DENND2C: variants seen among roughly 807,000 people sequenced by gnomAD.
DENND2C encodes DENN domain-containing protein 2C.
A neutral mutation model predicts 112.4 loss-of-function variants in DENND2C; 72 were observed. The observed-to-expected ratio is 0.64, with a 90% CI of 0.53 to 0.78. The LOEUF (loss-of-function observed/expected upper bound fraction) is 0.78. DENND2C is among the 30% of genes least tolerant of loss of function. The pLI is 0.00. For synonymous variants in DENND2C, 329 were observed against 381.6 expected (o/e 0.86, Z 1.61); for missense variants, 992 against 1,113.8 (o/e 0.89, Z 1.56).
At chr1:114,667,302 C>T (rs1316920321) in intron 1 of DENND2C, among the ~76,000 whole-genome samples, 2 of 152,180 alleles carry the variant, frequency 1.3e-5, no homozygotes, top group African/African-American at 2.4e-5. Context: ...TACTTCTTTA[C>T]AGCTCTTATC....
At chr1:114,661,933 C>G (rs1008308434) in intron 1 of DENND2C, among the ~76,000 whole-genome samples, 3 of 152,116 alleles carry the variant, frequency 2.0e-5, no homozygotes, top group Non-Finnish European at 4.4e-5. Context: ...CAACAGCAGA[C>G]AAAATTCTCC....
At chr1:114,616,666 C>T (rs914455002) in intron 8 of DENND2C, among the ~76,000 whole-genome samples, 1 of 151,948 alleles carries the variant, frequency 6.6e-6, no homozygotes, top group Non-Finnish European at 1.5e-5. Flanking sequence ...TCAGCCTGGC[C>T]AACACGATGA....
rs759034331 is a variant in DENND2C, at chr1:114,625,687, G to C, written c.298C>G (p.His100Asp). Residue 100 changes from histidine to aspartate, a missense_variant, in exon 4 of 21, where the codon CAT becomes GAT. Around this residue, in one of 3 missense-constraint regions of DENND2C, gnomAD observed 470 missense variants for 472.7 expected, o/e 0.99. Coordinates refer to ENST00000393274, the MANE Select transcript of DENND2C (RefSeq NM_001256404.2). ...AAGAAGTGTGTATCGTCATATTCATGTTTCTTATTTTCATTCTCACTTTGA... is the reference window on the plus strand; with the variant it reads ...AAGAAGTGTGTATCGTCATATTCATCTTTCTTATTTTCATTCTCACTTTGA... ...HDQSENENKK[H>D]EYDDTHFFKN... 4.3e-6 allele frequency: 7 copies of C among 1,613,806 alleles called. No homozygotes were observed. Among genetic ancestry groups the C allele is most frequent in the Middle Eastern group, 1.6e-4 (1 of 6,082 alleles).
chr1:114,623,733 TTTG>T (rs869274364), intron 4 of DENND2C, 90 bp from the exon 5 acceptor site: 3 of 26,620 alleles, frequency 1.1e-4, no homozygotes, highest in East Asian at 3.5e-4. Flanking sequence ...TGTTTGATTG[TTTG>T]TTTTATTATT....
chr1:114,633,839 C>T (rs1308578871), intron 3 of DENND2C, among the ~76,000 whole-genome samples: 1 of 152,068 alleles, frequency 6.6e-6, no homozygotes, highest in Non-Finnish European at 1.5e-5. Context: ...AAGTACAAGG[C>T]AAAGATTATC....
chr1:114,597,450 GAA>G (rs1655374406), intron 16 of DENND2C, among the ~76,000 whole-genome samples: 1 of 150,520 alleles, frequency 6.6e-6, no homozygotes, highest in African/African-American at 2.4e-5. Context: ...ATCTCAAAAA[GAA>G]AAGAGAAGAA....
rs906597020 is a variant in DENND2C at position 114,610,982 on chromosome 1, G to A, written c.1369+91C>T. 4 of 1,454,050 alleles carry A rather than the reference G, an allele frequency of 2.8e-6. No homozygotes were observed. The African/African-American group carries it at 5.7e-5, about 21-fold the overall frequency. The allele number at this position is 1,454,050 out of a possible 1,614,324, so 90.1% of individuals were successfully genotyped here. A position where few individuals can be genotyped will look rare whatever the true frequency, so the allele number is the denominator to read the frequency against. On this transcript the variant is annotated intron_variant, in intron 9 of 20. Coordinates refer to ENST00000393274, the MANE Select transcript of DENND2C (RefSeq NM_001256404.2). ...CATCTACAAAATGGAACTTCATGTG[G>A]GAAAAAACATGCTTAGTCACAAAGG...
At chr1:114,661,106 CAAAA>C (rs61417132) in intron 1 of DENND2C, among the ~76,000 whole-genome samples, 5 of 102,648 alleles carry the variant, frequency 4.9e-5, no homozygotes, top group Non-Finnish European at 6.0e-5. Context: ...GACTCCGTCT[CAAAA>C]AAAAAAAAAA....
intron 1 of DENND2C, among the ~76,000 whole-genome samples, chr1:114,663,564 C>T (rs1040636274): frequency 1.3e-5 from 2 of 151,926 alleles, no homozygotes; most frequent in Non-Finnish European, 2.9e-5. Context: ...ACCAAGCTTA[C>T]GAATTCAAAT....
chr1:114,635,041 A>AG (rs1203490910), intron 3 of DENND2C, among the ~76,000 whole-genome samples: 4 of 151,076 alleles, frequency 2.6e-5, no homozygotes, highest in East Asian at 3.9e-4. Flanking sequence ...AAAAAAAAAA[A>AG]AAAGAAAAAA....
intron 1 of DENND2C, among the ~76,000 whole-genome samples, chr1:114,661,106 C>CAA (rs61417132): frequency 3.9e-5 from 4 of 102,628 alleles, no homozygotes; most frequent in African/African-American, 7.4e-5. Flanking sequence ...GACTCCGTCT[C>CAA]AAAAAAAAAA....
intron 7 of DENND2C, among the ~76,000 whole-genome samples, chr1:114,620,911 A>C (rs900563910): frequency 6.6e-6 from 1 of 152,228 alleles, no homozygotes; most frequent in African/African-American, 2.4e-5. Context: ...GTTTAATGTT[A>C]AAATCAGGTA....
intron 12 of DENND2C, among the ~76,000 whole-genome samples, 175 bp from the exon 13 acceptor site, chr1:114,601,760 T>C (rs1303714467): frequency 1.3e-5 from 2 of 152,224 alleles, no homozygotes; most frequent in Non-Finnish European, 2.9e-5. Flanking sequence ...GCATGTTTTA[T>C]TCTAGGTTTA....
At chr1:114,621,853 G>A in intron 7 of DENND2C, 42 bp downstream of exon 7, 2 of 1,547,256 alleles carry the variant, frequency 1.3e-6, no homozygotes, top group Non-Finnish European at 1.7e-6. Flanking sequence ...TCATGGAAAT[G>A]CTGAAGTAAG....
At chr1:114,604,299 C>A (rs1655600629) in intron 11 of DENND2C, among the ~76,000 whole-genome samples, 1 of 152,174 alleles carries the variant, frequency 6.6e-6, no homozygotes, top group Non-Finnish European at 1.5e-5. Flanking sequence ...TAAATGGCAT[C>A]ATCAATAATT....
intron 3 of DENND2C, among the ~76,000 whole-genome samples, chr1:114,642,043 C>A (rs999745054): frequency 6.6e-6 from 1 of 152,112 alleles, no homozygotes; most frequent in Admixed American, 6.6e-5. Flanking sequence ...ACCTCTGCCT[C>A]CCGGTTCAAG....
chr1:114,659,215 T>C (rs1432784785), intron 1 of DENND2C, among the ~76,000 whole-genome samples: 1 of 152,146 alleles, frequency 6.6e-6, no homozygotes, highest in Non-Finnish European at 1.5e-5. Context: ...CAAGATGCAG[T>C]AGTGGCCAGG....
chr1:114,591,317 T>C (rs1003829411), intron 18 of DENND2C, among the ~76,000 whole-genome samples: 1 of 152,110 alleles, frequency 6.6e-6, no homozygotes, highest in African/African-American at 2.4e-5. Flanking sequence ...TGGTATTGCA[T>C]TGTGGCTTAC....
chr1:114,651,210 G>A (rs1284993797), intron 2 of DENND2C, among the ~76,000 whole-genome samples: 4 of 151,974 alleles, frequency 2.6e-5, no homozygotes, highest in African/African-American at 9.7e-5. Context: ...GGCCAAGGCA[G>A]GAGGATCACT....
Sources: gnomAD v4.1 joint callset for allele counts (sites outside exome capture counted in the v4.1 genomes callset) on GRCh38, gnomAD v4.1.1 for gene constraint, gnomAD v4.1.1 regional missense constraint, MANE v1.5 for transcripts, NCBI Gene and HGNC (gene_info 2026-07-23, HGNC 2026-07-21) for gene names.